Variants in TMPRSS7 observed in about 807,000 individuals in gnomAD.
TMPRSS7 encodes transmembrane protease serine 7.
TMPRSS7 carries 81 observed loss-of-function variants against 95.6 expected under a neutral mutation model. The ratio of observed to expected loss-of-function variants is 0.85; its 90% CI spans 0.71 to 1.02. TMPRSS7 has a LOEUF of 1.02. Among genes scored for constraint, TMPRSS7 ranks in the 50% least tolerant of loss-of-function variants. The pLI is 0.00. For synonymous variants in TMPRSS7, 364 were observed against 337.8 expected (o/e 1.08, Z -0.85); for missense variants, 945 against 955.2 (o/e 0.99, Z 0.14).
intron 1 of TMPRSS7, among the ~76,000 whole-genome samples, chr3:112,036,837 G>C (rs972158240): frequency 1.3e-5 from 2 of 152,186 alleles, no homozygotes; most frequent in Non-Finnish European, 2.9e-5. Flanking sequence ...ACATTTATTG[G>C]TTCCCTAAAT....
In TMPRSS7 at chr3:112,057,137, T is replaced by C. The variant is rs1228843540; in HGVS notation, c.1310+6T>C. The C allele has an allele frequency of 1.3e-6, 2 of 1,590,994 alleles. No homozygotes were observed. The highest frequency in any genetic ancestry group is 1.1e-5 in the South Asian group (1 of 89,904). On this transcript the variant is annotated splice_donor_region_variant and intron_variant, in intron 10 of 17. Transcript: ENST00000452346. ...TGGGAAATTAATGAGCACATGTAAG[T>C]GATTTTCATATGTTTTCATATGTGA...
At chr3:112,072,017 A>G (rs1256329416) in intron 13 of TMPRSS7, among the ~76,000 whole-genome samples, 1 of 152,150 alleles carries the variant, frequency 6.6e-6, no homozygotes, top group Non-Finnish European at 1.5e-5. Context: ...CCTTTGAAGG[A>G]GAAGAGGCGC....
rs2073770016 is a variant in TMPRSS7 at position 112,080,867 on chromosome 3, G to T, written c.2362-47G>T. 1.9e-6 allele frequency: 3 copies of T among 1,550,812 alleles called. No homozygotes were observed. The South Asian group carries it at 3.8e-5, about 19-fold the overall frequency. ...TAGATACAATAAAGATGAAACTGAT[G>T]ATCATGGGACCAATTTACTTTATAC... On this transcript the variant is annotated intron_variant, in intron 17 of 17. Coordinates refer to ENST00000452346, the Ensembl canonical transcript of TMPRSS7.
intron 9 of TMPRSS7, among the ~76,000 whole-genome samples, chr3:112,056,238 T>C (rs2073431634): frequency 6.6e-6 from 1 of 152,192 alleles, no homozygotes; most frequent in African/African-American, 2.4e-5. Context: ...GAAGCATTCA[T>C]AAATTTGACC....
intron 16 of TMPRSS7, among the ~76,000 whole-genome samples, chr3:112,077,424 A>G (rs1275191351): frequency 6.6e-6 from 1 of 152,174 alleles, no homozygotes; most frequent in Non-Finnish European, 1.5e-5. Context: ...CAAACTCTGA[A>G]GGTTATGCTA....
At chr3:112,062,490 A>G (rs771854938) in intron 11 of TMPRSS7, among the ~76,000 whole-genome samples, 3 of 152,226 alleles carry the variant, frequency 2.0e-5, no homozygotes, top group Admixed American at 1.3e-4. Flanking sequence ...GTGGGTAATG[A>G]CATGCTCAGG....
At chr3:112,057,332 C>T (rs993193319) in intron 10 of TMPRSS7, among the ~76,000 whole-genome samples, 3 of 152,188 alleles carry the variant, frequency 2.0e-5, no homozygotes, top group Admixed American at 6.5e-5. Flanking sequence ...AGGGCTCCTG[C>T]CCCACCACTG....
intron 16 of TMPRSS7, among the ~76,000 whole-genome samples, chr3:112,078,114 A>G (rs1289985675): frequency 1.3e-5 from 2 of 152,210 alleles, no homozygotes; most frequent in Non-Finnish European, 2.9e-5. Flanking sequence ...TCAGGGTCCC[A>G]AGGAGGGAAG....
At chr3:112,068,063 A>G (rs1337672600) in intron 13 of TMPRSS7, among the ~76,000 whole-genome samples, 1 of 152,202 alleles carries the variant, frequency 6.6e-6, no homozygotes, top group Non-Finnish European at 1.5e-5. Flanking sequence ...TTTTTCCAGC[A>G]CCATTTATTA....
In TMPRSS7 at chr3:112,038,128, A is replaced by G. The variant is rs563374788; in HGVS notation, c.105A>G (p.Arg35=). The change falls in exon 2 of 18, where the codon CGA becomes CGG. Residue 35 remains arginine (R), a synonymous_variant. Coordinates refer to ENST00000452346, the Ensembl canonical transcript of TMPRSS7. ...CCCAAAAGAAGCTGCCAGTGAGACG[A>G]CCACCGTTGCCAGGGAGACGACTAC... 139 of 702,800 alleles carry G rather than the reference A, an allele frequency of 2.0e-4. 1 individual carries two copies. The highest frequency in any genetic ancestry group is 1.8e-3 in the African/African-American group (104 of 57,344). The allele number at this position is 702,800 out of a possible 1,614,324, so 43.5% of individuals were successfully genotyped here.
chr3:112,075,340 C>T (rs367616772), exon 15 of TMPRSS7: 139 of 1,428,220 alleles, frequency 9.7e-5, no homozygotes, highest in Admixed American at 2.1e-4. Flanking sequence ...GGAGTTCCTC[C>T]GCCCTTCACC....
At chr3:112,041,975 C>T in exon 3 of TMPRSS7, 1 of 1,551,644 alleles carries the variant, frequency 6.4e-7, no homozygotes, top group Non-Finnish European at 8.7e-7. Flanking sequence ...GCATCACCAA[C>T]ATTGAGTTTC....
chr3:112,052,202 A>T (rs2073369531), intron 9 of TMPRSS7, among the ~76,000 whole-genome samples: 1 of 152,126 alleles, frequency 6.6e-6, no homozygotes, highest in Non-Finnish European at 1.5e-5. Context: ...GGTGTTTGTT[A>T]TCTTAAATAG....
chr3:112,078,610 G>C, intron 16 of TMPRSS7, 132 bp from the exon 17 acceptor site: 2 of 1,197,050 alleles, frequency 1.7e-6, no homozygotes, highest in Admixed American at 4.5e-5. Context: ...GAGGATAATA[G>C]TAGAATTTAC....
At chr3:112,079,649 T>C (rs574338940) in intron 17 of TMPRSS7, among the ~76,000 whole-genome samples, 1 of 152,266 alleles carries the variant, frequency 6.6e-6, no homozygotes, top group East Asian at 1.9e-4. Flanking sequence ...ACTCCTGATT[T>C]AGAGGGTGAG....
chr3:112,042,352 C>T (rs949085821), intron 3 of TMPRSS7, among the ~76,000 whole-genome samples: 10 of 152,272 alleles, frequency 6.6e-5, no homozygotes, highest in African/African-American at 2.4e-4. Flanking sequence ...CCTTCCAGTT[C>T]TGAAGTTAGA....
At chr3:112,077,272 A>G (rs1394835983) in intron 16 of TMPRSS7, 128 bp downstream of exon 16, 3 of 1,047,314 alleles carry the variant, frequency 2.9e-6, no homozygotes, top group Non-Finnish European at 4.1e-6. Context: ...CAACTCTGGA[A>G]GGTTGGATTG....
chr3:112,070,815 G>A (rs1007145639), intron 13 of TMPRSS7, among the ~76,000 whole-genome samples: 4 of 152,126 alleles, frequency 2.6e-5, no homozygotes, highest in East Asian at 1.9e-4. Flanking sequence ...TCTAGGGTGC[G>A]TGTGCACAAC....
At chr3:112,064,351 C>CTTTTCTTTTTTTTTTTT (rs56791526) in intron 12 of TMPRSS7, among the ~76,000 whole-genome samples, 1 of 149,014 alleles carries the variant, frequency 6.7e-6, no homozygotes, top group African/African-American at 2.5e-5. Flanking sequence ...TGTGTGTTTT[C>CTTTTCTTTTTTTTTTTT]TTTTCTTTTT....
Sources: allele counts gnomAD v4.1 joint callset (sites outside exome capture counted in the v4.1 genomes callset), GRCh38; gene constraint gnomAD v4.1.1; transcripts MANE v1.5; gene names NCBI Gene and HGNC (gene_info 2026-07-23, HGNC 2026-07-21).